The following PTPN4 variants were observed in gnomAD, a reference collection of about 807,000 sequenced individuals.
PTPN4 encodes tyrosine-protein phosphatase non-receptor type 4.
PTPN4 carries 49 observed loss-of-function variants against 135.5 expected under a neutral mutation model. The ratio of observed to expected loss-of-function variants is 0.36; its 90% CI spans 0.29 to 0.46. The LOEUF (loss-of-function observed/expected upper bound fraction) is 0.46, where lower values mean the gene tolerates loss of function less well. Among genes scored for constraint, PTPN4 ranks in the 20% least tolerant of loss-of-function variants. The pLI is 1.00. For synonymous variants in PTPN4, 333 were observed against 369.9 expected, an observed-to-expected ratio of 0.90 and a Z score of 1.14; for missense variants, 860 against 1,101.0, an observed-to-expected ratio of 0.78 and a Z score of 3.10.
intron 3 of PTPN4, among the ~76,000 whole-genome samples, chr2:119,874,996 G>A (rs182899275): frequency 3.9e-5 from 6 of 152,162 alleles, no homozygotes; most frequent in African/African-American, 1.4e-4. Context: ...GATTACTTTT[G>A]TATTTCTCTA....
At chr2:119,784,017 G>GC (rs34758597) in intron 1 of PTPN4, among the ~76,000 whole-genome samples, 41,204 of 151,984 alleles carry the variant, frequency 0.27, 5,658 homozygotes, top group South Asian at 0.33. Flanking sequence ...GGACTGTTGA[G>GC]CAGAGCACTT....
At chr2:119,920,752 A>C (rs998188145) in intron 12 of PTPN4, among the ~76,000 whole-genome samples, 1 of 152,124 alleles carries the variant, frequency 6.6e-6, no homozygotes, top group Admixed American at 6.5e-5. Context: ...AAATTGTTTT[A>C]TTCTTGATAG....
At chr2:119,844,356 C>T (rs1272430845) in intron 2 of PTPN4, among the ~76,000 whole-genome samples, 2 of 147,652 alleles carry the variant, frequency 1.4e-5, no homozygotes, top group South Asian at 2.2e-4. Context: ...CTGACCCCCC[C>T]CCCCCACCTC....
chr2:119,890,171 T>C lies in PTPN4; in HGVS notation c.675+4289T>C, dbSNP rs1678220376. ...TCTTTAGATCCAGTAATATTTGTTT[T>C]ATGAATCTGGGTACTCCAATGTTTG... On this transcript the variant is annotated intron_variant, in intron 9 of 26. Coordinates refer to ENST00000263708, the MANE Select transcript of PTPN4 (RefSeq NM_002830.4). Among the ~76,000 whole-genome samples the C allele has an allele frequency of 4.6e-5, 7 of 152,310 alleles. No homozygotes were observed. In the South Asian group the frequency reaches 1.5e-3, roughly 32 times the overall value.
intron 26 of PTPN4, among the ~76,000 whole-genome samples, chr2:119,972,673 TATC>T (rs1427221128): frequency 3.3e-5 from 5 of 152,150 alleles, no homozygotes; most frequent in African/African-American, 1.2e-4. Context: ...TTTCACTAAT[TATC>T]ATATTAGCCA....
intron 10 of PTPN4, 118 bp downstream of exon 10, chr2:119,900,924 C>G: frequency 1.9e-6 from 1 of 532,056 alleles, no homozygotes; most frequent in Non-Finnish European, 3.1e-6. Context: ...GTGAGATAAA[C>G]TTTATACTTT....
At position 119,981,832 on chromosome 2, in the gene PTPN4, A is replaced by AT. The variant is rs2105072695; in HGVS notation, c.*4763dup. 6.6e-6 allele frequency: 1 copy of AT among 152,240 alleles called. No homozygotes were observed. Among genetic ancestry groups the AT allele is most frequent in the Non-Finnish European group, 1.5e-5 (1 of 67,990 alleles). The allele number at this position is 152,240 out of a possible 1,614,324, so 9.4% of individuals were successfully genotyped here. A position where few individuals can be genotyped will look rare whatever the true frequency, so the allele number is the denominator to read the frequency against. On this transcript the variant is annotated 3_prime_UTR_variant, in exon 27 of 27. Transcript: ENST00000263708. Reference sequence around the variant, plus strand: ...TGAATTTGTTGTGAGTAGACACCACATAGTTATTTCTGTTTGCATATAAAT... The same window carrying AT: ...TGAATTTGTTGTGAGTAGACACCACATTAGTTATTTCTGTTTGCATATAAAT...
chr2:119,893,479 A>C (rs906726465), intron 9 of PTPN4, among the ~76,000 whole-genome samples: 1 of 152,250 alleles, frequency 6.6e-6, no homozygotes, highest in Non-Finnish European at 1.5e-5. Flanking sequence ...AATTCAATTT[A>C]TAGACCTGGA....
intron 1 of PTPN4, among the ~76,000 whole-genome samples, chr2:119,775,817 ATC>A (rs1254718102): frequency 2.0e-5 from 3 of 151,298 alleles, no homozygotes; most frequent in African/African-American, 7.3e-5. Context: ...CTATATCTAT[ATC>A]TATATCTATA....
chr2:119,914,248 A>AT (rs55911315), intron 10 of PTPN4, among the ~76,000 whole-genome samples: 1,621 of 97,168 alleles, frequency 0.017, 94 homozygotes, highest in African/African-American at 0.038. Context: ...TAGTTACTCA[A>AT]TTTTTTTTTT....
intron 26 of PTPN4, among the ~76,000 whole-genome samples, chr2:119,970,042 A>G (rs760631034): frequency 6.6e-6 from 1 of 151,836 alleles, no homozygotes; most frequent in Non-Finnish European, 1.5e-5. Flanking sequence ...TTGCTACTAT[A>G]TAACTTTTAT....
At chr2:119,888,821 T>TGCATCTTTGTC (rs1678197054) in intron 9 of PTPN4, among the ~76,000 whole-genome samples, 1 of 152,208 alleles carries the variant, frequency 6.6e-6, no homozygotes, top group African/African-American at 2.4e-5. Flanking sequence ...TTGTCTGGTT[T>TGCATCTTTGTC]TGGTATGATG....
chr2:119,798,477 C>T (rs1187194453), intron 1 of PTPN4, among the ~76,000 whole-genome samples: 3 of 152,140 alleles, frequency 2.0e-5, no homozygotes, highest in Non-Finnish European at 4.4e-5. Flanking sequence ...AACTGCAACA[C>T]CTTTCAAATG....
At chr2:119,766,470 G>GCGCA (rs1690629757) in intron 1 of PTPN4, among the ~76,000 whole-genome samples, 2 of 138,538 alleles carry the variant, frequency 1.4e-5, no homozygotes, top group Admixed American at 6.9e-5. Flanking sequence ...GTGTGTGTGT[G>GCGCA]TGTGTGTGTG....
intron 18 of PTPN4, among the ~76,000 whole-genome samples, chr2:119,947,487 G>T (rs1402629254): frequency 6.6e-6 from 1 of 152,108 alleles, no homozygotes; most frequent in African/African-American, 2.4e-5. Context: ...ACACAGAATA[G>T]TTTATTTAAA....
chr2:119,965,403 C>T (rs546263725), intron 24 of PTPN4, 94 bp from the exon 25 acceptor site: 4 of 1,211,708 alleles, frequency 3.3e-6, no homozygotes, highest in South Asian at 1.6e-5. Context: ...TTTCTATCTC[C>T]CCCTCCCTTC....
At chr2:119,795,211 C>T (rs540233976) in intron 1 of PTPN4, among the ~76,000 whole-genome samples, 3 of 152,220 alleles carry the variant, frequency 2.0e-5, no homozygotes, top group African/African-American at 4.8e-5. Context: ...TGGCCATGGA[C>T]GGACTGGAAA....
At position 119,977,825 on chromosome 2, in the gene PTPN4, T is replaced by G. The variant is rs189556584; in HGVS notation, c.*755T>G. 1 of 152,348 alleles carries G rather than the reference T, an allele frequency of 6.6e-6. No homozygotes were observed. Among genetic ancestry groups the G allele is most frequent in the Admixed American group, 6.5e-5 (1 of 15,304 alleles). 9.4% of individuals were successfully genotyped at this position (152,348 alleles called of 1,614,324 possible). ...ATGCATTGTGTCTTAACCCCTTAAG[T>G]GCCTTGAGACGTCCTTGTATGTCTA... On this transcript the variant is annotated 3_prime_UTR_variant, in exon 27 of 27. Transcript: ENST00000263708.
intron 23 of PTPN4, among the ~76,000 whole-genome samples, chr2:119,961,977 G>T (rs1243806164): frequency 2.0e-5 from 3 of 152,112 alleles, no homozygotes; most frequent in African/African-American, 7.2e-5. Context: ...AGGGATTGTG[G>T]TGATGGTTGC....
Sources: gnomAD v4.1 joint callset for allele counts (sites outside exome capture counted in the v4.1 genomes callset) on GRCh38, gnomAD v4.1.1 for gene constraint, MANE v1.5 for transcripts, NCBI Gene and HGNC (gene_info 2026-07-23, HGNC 2026-07-21) for gene names.